ADCY7: variants seen among roughly 807,000 people sequenced by gnomAD.
ADCY7 encodes the protein adenylate cyclase 7, also known as adenylate cyclase type 7.
ADCY7 carries 72 observed loss-of-function variants against 120.6 expected under a neutral mutation model. The observed-to-expected ratio is 0.60, with a 90% CI of 0.49 to 0.73. ADCY7 has a LOEUF of 0.73. Ranked by LOEUF, ADCY7 falls within the 30% of genes least tolerant of loss-of-function variation. The pLI is 0.00. For synonymous variants in ADCY7, 661 were observed against 628.0 expected, an observed-to-expected ratio of 1.05 and a Z score of -0.78; for missense variants, 1,227 against 1,486.0, an observed-to-expected ratio of 0.83 and a Z score of 2.87.
At chr16:50,296,615 C>T (rs2035371540) in intron 7 of ADCY7, among the ~76,000 whole-genome samples, 1 of 152,062 alleles carries the variant, frequency 6.6e-6, no homozygotes, top group Admixed American at 6.5e-5. Flanking sequence ...CTCGACCTCT[C>T]AAAGTGCTGG....
chr16:50,268,754 C>G (rs896841115), intron 1 of ADCY7, among the ~76,000 whole-genome samples: 9 of 151,984 alleles, frequency 5.9e-5, no homozygotes, highest in African/African-American at 2.2e-4. Context: ...TCTGGACAGG[C>G]CACAGGAGAG....
chr16:50,268,554 G>A (rs1295498704), intron 1 of ADCY7, among the ~76,000 whole-genome samples: 7 of 152,182 alleles, frequency 4.6e-5, no homozygotes, highest in African/African-American at 1.2e-4. Context: ...GCATGAGCCC[G>A]ACGCCCAGCC....
At chr16:50,264,579 C>T (rs1331237367), upstream of ADCY7, among the ~76,000 whole-genome samples, 2 of 152,252 alleles carry the variant, frequency 1.3e-5, no homozygotes, top group Non-Finnish European at 2.9e-5. Flanking sequence ...TACATTCCCA[C>T]TAGCAGTACA....
At chr16:50,254,803 GC>G (rs886742539) in intron 1 of ADCY7, among the ~76,000 whole-genome samples, 5 of 105,348 alleles carry the variant, frequency 4.7e-5, no homozygotes, top group Admixed American at 9.9e-5. Context: ...GTGTCTCCCT[GC>G]CCCCCCACCC....
At chr16:50,304,261 C>A in intron 10 of ADCY7, 99 bp from the exon 11 acceptor site, 2 of 1,169,666 alleles carry the variant, frequency 1.7e-6, no homozygotes, top group Non-Finnish European at 2.2e-6. Context: ...GGGCTCAGGG[C>A]GGCGTCACAC....
chr16:50,308,440 C>A (rs966466486), intron 16 of ADCY7, 29 bp downstream of exon 16: 1 of 1,613,364 alleles, frequency 6.2e-7, no homozygotes, highest in African/African-American at 1.3e-5. Flanking sequence ...CCCCGCGGGC[C>A]CTCCCTCCCT....
chr16:50,284,755 G>A (rs1325081451), intron 1 of ADCY7, among the ~76,000 whole-genome samples: 1 of 152,260 alleles, frequency 6.6e-6, no homozygotes, highest in Non-Finnish European at 1.5e-5. Context: ...ACCTGGGTTT[G>A]CATCCCAGCC....
At chr16:50,273,987 C>T (rs1391255391) in intron 1 of ADCY7, 1 of 152,442 alleles carries the variant, frequency 6.6e-6, no homozygotes, top group Admixed American at 6.5e-5. Context: ...ACCAGGCAGC[C>T]TTCCTGGAAG....
At chr16:50,255,246 A>G (rs898244779) in intron 1 of ADCY7, among the ~76,000 whole-genome samples, 2 of 151,292 alleles carry the variant, frequency 1.3e-5, no homozygotes, top group Admixed American at 6.6e-5. Flanking sequence ...GCAGTGAGCT[A>G]TGATTGTGCC....
At chr16:50,262,511 G>A (rs2033086155), upstream of ADCY7, among the ~76,000 whole-genome samples, 1 of 152,072 alleles carries the variant, frequency 6.6e-6, no homozygotes, top group African/African-American at 2.4e-5. Flanking sequence ...ATTTTTATTA[G>A]AGACGGGGTT....
upstream of ADCY7, among the ~76,000 whole-genome samples, chr16:50,261,687 T>C (rs538764527): frequency 1.3e-5 from 2 of 151,480 alleles, no homozygotes; most frequent in Non-Finnish European, 3.0e-5. Flanking sequence ...ACAGAGGGAC[T>C]CCCTGAGCCA....
At chr16:50,244,740 G>C (rs2032532468), upstream of ADCY7, among the ~76,000 whole-genome samples, 1 of 152,236 alleles carries the variant, frequency 6.6e-6, no homozygotes. Context: ...GGAGGCCCCA[G>C]CTGCTCAGAT....
intron 1 of ADCY7, among the ~76,000 whole-genome samples, chr16:50,256,701 A>T (rs1259522564): frequency 6.6e-6 from 1 of 152,152 alleles, no homozygotes; most frequent in Non-Finnish European, 1.5e-5. Flanking sequence ...TCTCCAAAAA[A>T]AAAGAGACAG....
At chr16:50,311,642 GGGTTGGAGT>G in intron 19 of ADCY7, 42 bp from the exon 20 acceptor site, 1 of 1,305,262 alleles carries the variant, frequency 7.7e-7, no homozygotes, top group South Asian at 1.2e-5. Flanking sequence ...ATGACTCAGT[GGGTTGGAGT>G]GGTGAGTGCT....
In ADCY7 at chr16:50,293,488, G is replaced by A; in HGVS notation, c.822G>A (p.Arg274=). ...ACTTCCACAGCCTCTACGTCAAGAG[G>A]CACCAGAATGTCAGGTGGGCGGTGA... ...DNNFHSLYVK[R]HQNVSILYAD... Residue 274 remains arginine, a synonymous_variant, in exon 6 of 26, where the codon AGG becomes AGA. Coordinates refer to ENST00000673801, the MANE Select transcript of ADCY7 (RefSeq NM_001114.5). 1 of 1,613,908 alleles carries A rather than the reference G, an allele frequency of 6.2e-7. No individual in the cohort carries two copies. The highest frequency in any genetic ancestry group is 8.5e-7 in the Non-Finnish European group (1 of 1,179,978).
intron 1 of ADCY7, among the ~76,000 whole-genome samples, chr16:50,272,311 C>G (rs557305214): frequency 6.6e-6 from 1 of 152,294 alleles, no homozygotes; most frequent in Admixed American, 6.5e-5. Context: ...GCTTTGTCTT[C>G]CAGGCCCCAG....
rs766062947 is a variant in ADCY7, at chr16:50,312,023, C to T, written c.2449-13C>T. On this transcript the variant is annotated splice_polypyrimidine_tract_variant and intron_variant, in intron 20 of 25. Transcript: ENST00000673801. The stretch of plus-strand genomic sequence containing the variant: ...GCCTGTGGACGGGGCGCTTATGTTG[C>T]TGCCGTTTGCAGATTGACTATTACT... 2.5e-6 allele frequency: 4 copies of T among 1,613,804 alleles called. No individual in the cohort carries two copies. Among genetic ancestry groups the T allele is most frequent in the Admixed American group, 1.7e-5 (1 of 60,022 alleles).
chr16:50,287,881 G>C (rs2150944252), intron 1 of ADCY7, 31 bp from the exon 2 acceptor site: 2 of 343,972 alleles, frequency 5.8e-6, no homozygotes, highest in South Asian at 1.7e-4. Flanking sequence ...TGGACCATTA[G>C]GTCAAGTTCC....
At chr16:50,252,672 T>C (rs1247212182) in intron 1 of ADCY7, among the ~76,000 whole-genome samples, 1 of 152,226 alleles carries the variant, frequency 6.6e-6, no homozygotes, top group Non-Finnish European at 1.5e-5. Context: ...AGAGGTCCCA[T>C]GACCAAGCAA....
Sources: gnomAD v4.1 joint callset for allele counts (sites outside exome capture counted in the v4.1 genomes callset) on GRCh38, gnomAD v4.1.1 for gene constraint, MANE v1.5 for transcripts, NCBI Gene and HGNC (gene_info 2026-07-23, HGNC 2026-07-21) for gene names.